UPP1: variants seen among roughly 807,000 people sequenced by gnomAD.
The protein encoded by UPP1 is UPase 1.
UPP1 carries 25 observed loss-of-function variants against 29.6 expected under a neutral mutation model. The observed-to-expected ratio is 0.85, with a 90% CI of 0.62 to 1.18. The LOEUF is 1.18. UPP1 is among the 50% of genes most tolerant of loss of function. The probability of loss-of-function intolerance (pLI) is 0.00; values close to 1 mark genes in which losing one functional copy is unlikely to be tolerated. For synonymous variants in UPP1, 165 were observed against 159.8 expected, an observed-to-expected ratio of 1.03 and a Z score of -0.25; for missense variants, 368 against 410.4, an observed-to-expected ratio of 0.90 and a Z score of 0.89.
intron 6 of UPP1, chr7:48,106,637 TC>T (rs1792759158): frequency 2.1e-6 from 1 of 480,706 alleles, no homozygotes; most frequent in Admixed American, 3.3e-5. Context: ...TGTGCCTTTC[TC>T]TTCCATAGTG....
chr7:48,096,273 G>C (rs181172220), intron 3 of UPP1, among the ~76,000 whole-genome samples: 15 of 152,332 alleles, frequency 9.8e-5, no homozygotes, highest in Admixed American at 9.1e-4. Context: ...GTCAGGTGTA[G>C]AGCTCAGGAG....
intron 6 of UPP1, 36 bp from the exon 7 acceptor site, chr7:48,106,837 C>T (rs761083650): frequency 2.8e-5 from 45 of 1,604,988 alleles, no homozygotes; most frequent in Admixed American, 2.0e-4. Context: ...TTTTGTTTTA[C>T]ACCCTGCATA....
In UPP1 at chr7:48,101,995, C is replaced by A; in HGVS notation, c.321+13C>A. On this transcript the variant is annotated intron_variant, in intron 5 of 8. Transcript: ENST00000395564. ...GCTGTCTGTCAGTGTGAGTACCTGC[C>A]TTCCCTTGTGCTCAGTCTCTAGGCT... The A allele has an allele frequency of 6.2e-7, 1 of 1,611,530 alleles. No homozygotes were observed. The highest frequency in any genetic ancestry group is 1.1e-5 in the South Asian group (1 of 90,724).
At chr7:48,095,249 C>A (rs1369445900) in intron 3 of UPP1, among the ~76,000 whole-genome samples, 1 of 152,222 alleles carries the variant, frequency 6.6e-6, no homozygotes, top group Non-Finnish European at 1.5e-5. Context: ...TGTGTTTAGG[C>A]ATTGCTAGAA....
At chr7:48,105,458 GGA>G in intron 6 of UPP1, 1 of 152,322 alleles carries the variant, frequency 6.6e-6, no homozygotes, top group South Asian at 2.1e-4. Flanking sequence ...TGGGAGCTCT[GGA>G]AAAGATCTGA....
At chr7:48,090,959 G>T (rs1791797314) in intron 2 of UPP1, among the ~76,000 whole-genome samples, 1 of 152,068 alleles carries the variant, frequency 6.6e-6, no homozygotes, top group African/African-American at 2.4e-5. Flanking sequence ...CTTTACATGG[G>T]CTTTTTGTCA....
At chr7:48,091,457 G>A (rs1462760722) in intron 2 of UPP1, among the ~76,000 whole-genome samples, 2 of 152,202 alleles carry the variant, frequency 1.3e-5, no homozygotes, top group Non-Finnish European at 1.5e-5. Flanking sequence ...CTCCTGTTAT[G>A]TGGGGAGGGG....
intron 2 of UPP1, among the ~76,000 whole-genome samples, chr7:48,094,187 G>T (rs1306099075): frequency 6.6e-6 from 1 of 152,066 alleles, no homozygotes; most frequent in African/African-American, 2.4e-5. Flanking sequence ...GAGAGGTGTG[G>T]TGTGTTGGGT....
rs1314380101 is a variant in UPP1 at position 48,093,212 on chromosome 7, C to T, written c.-21-1551C>T. ...AGGGAACATTTTTCTCCACACCTAACAACTGTAGTTTTCCCTGGCATTCAA... is the reference window on the plus strand; with the variant it reads ...AGGGAACATTTTTCTCCACACCTAATAACTGTAGTTTTCCCTGGCATTCAA... On this transcript the variant is annotated intron_variant, in intron 2 of 8. Transcript: ENST00000395564. Among the ~76,000 whole-genome samples the T allele has an allele frequency of 3.3e-5, 5 of 152,182 alleles. No individual in the cohort carries two copies. In the South Asian group the frequency reaches 6.2e-4, roughly 19 times the overall value.
At chr7:48,101,488 C>G (rs966972197) in intron 4 of UPP1, among the ~76,000 whole-genome samples, 1 of 152,102 alleles carries the variant, frequency 6.6e-6, no homozygotes, top group African/African-American at 2.4e-5. Context: ...GTTTCAAACC[C>G]AGGCTGTCTC....
At chr7:48,092,810 C>T (rs927998140) in intron 2 of UPP1, among the ~76,000 whole-genome samples, 49 of 151,610 alleles carry the variant, frequency 3.2e-4, no homozygotes, top group African/African-American at 1.2e-3. Context: ...TCCAGCGATT[C>T]TCCTGCCTCA....
chr7:48,094,629 C>A, intron 2 of UPP1, 134 bp from the exon 3 acceptor site: 1 of 707,568 alleles, frequency 1.4e-6, no homozygotes, highest in Non-Finnish European at 2.5e-6. Context: ...ATTTCTCACA[C>A]AATTCACACA....
In UPP1 at chr7:48,107,381, GCT is replaced by G; in HGVS notation, c.672_673del (p.Cys225LeufsTer102). On this transcript the variant is annotated frameshift_variant, in exon 8 of 9. Coordinates refer to ENST00000395564, the MANE Select transcript of UPP1 (RefSeq NM_003364.4). LOFTEE classifies it high-confidence loss of function. ...FYEGQGRLDG[A>X]LCSYTEKDKQ... is the part of the protein sequence containing the mutation. ...CTCAGGGCAAGGCCGTCTGGATGGG[GCT>G]CTCTGCTCCTACACGGAGAAGGACA... 12 of 1,613,518 alleles carry G rather than the reference GCT, an allele frequency of 7.4e-6. No individual in the cohort carries two copies. Among genetic ancestry groups the G allele is most frequent in the Middle Eastern group, 1.6e-4 (1 of 6,062 alleles).
At chr7:48,094,918 C>A in intron 3 of UPP1, 91 bp downstream of exon 3, 1 of 1,399,626 alleles carries the variant, frequency 7.1e-7, no homozygotes, top group Non-Finnish European at 9.9e-7. Context: ...AAGGACTTGA[C>A]ATATATTAAC....
At position 48,108,643 on chromosome 7, in the gene UPP1, T is replaced by G. The variant is rs1792902860; in HGVS notation, c.*286T>G. 1 of 267,846 alleles carries G rather than the reference T, an allele frequency of 3.7e-6. No homozygotes were observed. The highest frequency in any genetic ancestry group is 2.2e-5 in the African/African-American group (1 of 45,414). The allele number at this position is 267,846 out of a possible 1,614,324, so 16.6% of individuals were successfully genotyped here. A position where few individuals can be genotyped will look rare whatever the true frequency, so the allele number is the denominator to read the frequency against. ...GGAAATTTTTCAGACTTTAAAATTCTAATGGTAGTCAGATTTCATGTCACT... is the reference window on the plus strand; with the variant it reads ...GGAAATTTTTCAGACTTTAAAATTCGAATGGTAGTCAGATTTCATGTCACT... On this transcript the variant is annotated 3_prime_UTR_variant, in exon 9 of 9. Coordinates refer to ENST00000395564, the MANE Select transcript of UPP1 (RefSeq NM_003364.4).
rs1291294869 is a variant in UPP1 at position 48,103,024 on chromosome 7, CA to C, written c.322-272del. 3.9e-5 allele frequency among the ~76,000 whole-genome samples: 6 copies of C among 152,322 alleles called. 1 individual carries two copies. The highest frequency in any genetic ancestry group is 1.4e-4 in the African/African-American group (6 of 41,568). The stretch of plus-strand genomic sequence containing the variant: ...GGAGCTGTTTGTTACCTGGCAATAG[CA>C]GACTGCTGCTTCCCTGCTGAGCCCC... On this transcript the variant is annotated intron_variant, in intron 5 of 8. Transcript: ENST00000395564.
chr7:48,103,673 A>T, intron 6 of UPP1: 1 of 1,117,056 alleles, frequency 9.0e-7, no homozygotes, highest in Non-Finnish European at 1.2e-6. Flanking sequence ...TTGGGGTTAC[A>T]CAATTTGTGC....
intron 6 of UPP1, chr7:48,103,948 G>C: frequency 8.0e-7 from 1 of 1,251,872 alleles, no homozygotes; most frequent in Non-Finnish European, 1.0e-6. Flanking sequence ...GGCCGGGCGC[G>C]GTGGCTCACA....
chr7:48,093,074 C>T (rs1791933416), intron 2 of UPP1, among the ~76,000 whole-genome samples: 2 of 152,110 alleles, frequency 1.3e-5, no homozygotes, highest in African/African-American at 4.8e-5. Flanking sequence ...CACCTTATTC[C>T]CCTTCTTAGC....
Sources: allele counts gnomAD v4.1 joint callset (sites outside exome capture counted in the v4.1 genomes callset), GRCh38; gene constraint gnomAD v4.1.1; transcripts MANE v1.5; gene names NCBI Gene and HGNC (gene_info 2026-07-23, HGNC 2026-07-21).